The following HGS variants were observed in gnomAD, a reference collection of about 807,000 sequenced individuals.
The protein encoded by HGS is human growth factor-regulated tyrosine kinase substrate.
In HGS, 63 loss-of-function variants were observed where a neutral mutation model predicts 109.7. The observed-to-expected ratio is 0.57, with a 90% CI of 0.47 to 0.71. The LOEUF (loss-of-function observed/expected upper bound fraction) is 0.71, where lower values mean the gene tolerates loss of function less well. HGS is among the 30% of genes least tolerant of loss of function. The pLI is 0.00. For synonymous variants in HGS, 546 were observed against 437.3 expected (o/e 1.25, Z -3.10); for missense variants, 995 against 1,068.3 (o/e 0.93, Z 0.96).
At chr17:81,684,274 G>A in intron 1 of HGS, 171 bp downstream of exon 1, 1 of 514,116 alleles carries the variant, frequency 1.9e-6, no homozygotes, top group Non-Finnish European at 3.0e-6. Flanking sequence ...CCCTCGGCGC[G>A]GCCGTGGGGT....
chr17:81,695,135 G>A (rs898246117), intron 13 of HGS, 29 bp from the exon 14 acceptor site: 1 of 1,613,764 alleles, frequency 6.2e-7, no homozygotes, highest in Non-Finnish European at 8.5e-7. Flanking sequence ...GGGACAGGTT[G>A]GAGGCCCCAC....
In HGS at chr17:81,696,424, G is replaced by A. The variant is rs2144501107; in HGVS notation, c.1461G>A (p.Leu487=). The A allele has an allele frequency of 6.4e-7, 1 of 1,572,902 alleles. No individual in the cohort carries two copies. Among genetic ancestry groups the A allele is most frequent in the Non-Finnish European group, 8.6e-7 (1 of 1,162,174 alleles). The change falls in exon 16 of 22, where the codon CTG becomes CTA. Residue 487 remains leucine, a synonymous_variant. Transcript: ENST00000329138. ...ATGCCCGGGGGGCGCTGAGTGCCCT[G>A]CGCGAAGAGCACCGGGAGAAGCTTC... ...IRDARGALSA[L]REEHREKLRR...
intron 1 of HGS, chr17:81,685,152 C>T (rs2036955616): frequency 1.3e-6 from 1 of 747,880 alleles, no homozygotes; most frequent in Non-Finnish European, 1.6e-6. Context: ...CTGGAGTCTA[C>T]ACTGCAGGCC....
At chr17:81,699,779 A>G (rs752376294) in intron 18 of HGS, among the ~76,000 whole-genome samples, 14 of 152,176 alleles carry the variant, frequency 9.2e-5, no homozygotes, top group Non-Finnish European at 1.6e-4. Context: ...AAGTCACAAC[A>G]AAAAGGAAAA....
rs752874903 is a variant in HGS at position 81,684,050 on chromosome 17, TTGGGC to T, written c.-13_-9del. On this transcript the variant is annotated 5_prime_UTR_variant, in exon 1 of 22. Coordinates refer to ENST00000329138, the MANE Select transcript of HGS (RefSeq NM_004712.5). ...CAGGGGAGCGCCCGCGGCGTCGGGT[TTGGGC>T]TGGAGGTCGCCATGGGGCGAGGCAG... is the stretch of plus-strand genomic sequence containing the variant. 41 of 1,592,108 alleles carry T rather than the reference TTGGGC, an allele frequency of 2.6e-5. No individual in the cohort carries two copies. The highest frequency in any genetic ancestry group is 3.5e-5 in the Non-Finnish European group (41 of 1,172,190).
intron 21 of HGS, 162 bp downstream of exon 21, chr17:81,701,293 A>G: frequency 1.2e-6 from 1 of 802,342 alleles, no homozygotes; most frequent in Non-Finnish European, 2.0e-6. Flanking sequence ...ACGAGGACAC[A>G]AGTCTCAGGG....
At chr17:81,695,260 A>G (rs2037127657) in intron 14 of HGS, 37 bp downstream of exon 14, 3 of 1,594,568 alleles carry the variant, frequency 1.9e-6, no homozygotes, top group Non-Finnish European at 2.6e-6. Context: ...AGGGCAAAAC[A>G]TGGCCTCCTG....
At chr17:81,701,196 A>G (rs55837949) in intron 21 of HGS, 65 bp downstream of exon 21, 318,925 of 1,413,290 alleles carry the variant, frequency 0.23, 37,331 homozygotes, top group African/African-American at 0.38. Context: ...CGGTTTAGCA[A>G]TGGGACCCCT....
rs2037240386 is a variant in HGS, at chr17:81,701,689, T to C, written c.*71T>C. Reference sequence around the variant, plus strand: ...TGAAACGCCTCGTCTCTAACTGCCGTCGTCCTGCCTCCCTGTCCTCTACTG... The same window carrying C: ...TGAAACGCCTCGTCTCTAACTGCCGCCGTCCTGCCTCCCTGTCCTCTACTG... On this transcript the variant is annotated 3_prime_UTR_variant, in exon 22 of 22. Coordinates refer to ENST00000329138, the MANE Select transcript of HGS (RefSeq NM_004712.5). 1 of 1,500,886 alleles carries C rather than the reference T, an allele frequency of 6.7e-7. No homozygotes were observed. Among genetic ancestry groups the C allele is most frequent in the Non-Finnish European group, 8.9e-7 (1 of 1,121,196 alleles). 93.0% of individuals were successfully genotyped at this position (1,500,886 alleles called of 1,614,324 possible). A position where few individuals can be genotyped will look rare whatever the true frequency, so the allele number is the denominator to read the frequency against.
chr17:81,695,285 GCACATGGCAC>G, intron 14 of HGS, 62 bp downstream of exon 14: 1 of 1,548,572 alleles, frequency 6.5e-7, no homozygotes, highest in Non-Finnish European at 8.9e-7. Context: ...ACAGCGCCAG[GCACATGGCAC>G]AGGTGCCTGC....
At position 81,701,901 on chromosome 17, in the gene HGS, C is replaced by A; in HGVS notation, c.*283C>A. ...GTGGGTCATGGTCTGTGAGAGGTGG[C>A]AGGAATGGGGACCCTCACCCCCCAA... On this transcript the variant is annotated 3_prime_UTR_variant, in exon 22 of 22. Coordinates refer to ENST00000329138, the MANE Select transcript of HGS (RefSeq NM_004712.5). 3.1e-6 allele frequency: 1 copy of A among 326,250 alleles called. No individual in the cohort carries two copies. The allele number at this position is 326,250 out of a possible 1,614,324, so 20.2% of individuals were successfully genotyped here. A position where few individuals can be genotyped will look rare whatever the true frequency, so the allele number is the denominator to read the frequency against.
At chr17:81,692,200 C>T (rs1421096782) in intron 8 of HGS, 2 of 152,736 alleles carry the variant, frequency 1.3e-5, no homozygotes, top group Non-Finnish European at 2.9e-5. Context: ...CTGCCGTGGT[C>T]CCAGCAGCGT....
At chr17:81,690,277 C>G in intron 6 of HGS, 43 bp downstream of exon 6, 2 of 1,603,334 alleles carry the variant, frequency 1.2e-6, no homozygotes, top group Admixed American at 1.7e-5. Flanking sequence ...TCGGGCTGCT[C>G]AGGAAGCGTG....
At position 81,700,477 on chromosome 17, in the gene HGS, G is replaced by A; in HGVS notation, c.1893G>A (p.Met631Ile). ...TCTTGTTTGTCACAGATCCCAGCAT[G>A]GTGAGTGCCTACATGTACCCAGCAG... is the stretch of plus-strand genomic sequence containing the variant. Reference protein sequence around the residue: ...SMPSTAADPSMVSAYMYPAGA... With the variant: ...SMPSTAADPSIVSAYMYPAGA... The change falls in exon 19 of 22, where the codon ATG becomes ATA. Residue 631 changes from methionine to isoleucine, a missense_variant. By Grantham distance (10) the Met-to-Ile change is conservative. Around this residue, in one of 6 missense-constraint regions of HGS, gnomAD observed 326 missense variants for 309.7 expected, o/e 1.05. Transcript: ENST00000329138. 6.4e-7 allele frequency: 1 copy of A among 1,573,596 alleles called. No individual in the cohort carries two copies. Among genetic ancestry groups the A allele is most frequent in the Non-Finnish European group, 8.6e-7 (1 of 1,158,360 alleles).
chr17:81,697,736 C>G lies in HGS; in HGVS notation c.1882+738C>G, dbSNP rs577248520. The stretch of plus-strand genomic sequence containing the variant: ...TGCCAAATAGCGCCTTCTAATTCTG[C>G]TGTTGTCTTTCCACTGGCGGGAGGT... On this transcript the variant is annotated intron_variant, in intron 18 of 21. Coordinates refer to ENST00000329138, the MANE Select transcript of HGS (RefSeq NM_004712.5). The G allele has an allele frequency of 9.2e-5, 14 of 152,348 alleles. 1 individual carries two copies. The highest frequency in any genetic ancestry group is 9.2e-4 in the Admixed American group (14 of 15,298). 9.4% of individuals were successfully genotyped at this position (152,348 alleles called of 1,614,324 possible).
At chr17:81,689,266 G>T (rs1054106491) in intron 5 of HGS, among the ~76,000 whole-genome samples, 1 of 152,220 alleles carries the variant, frequency 6.6e-6, no homozygotes, top group African/African-American at 2.4e-5. Context: ...GGTGGCCAGC[G>T]TGCCAGAGGA....
chr17:81,690,715 G>A lies in HGS; in HGVS notation c.510G>A (p.Arg170=). ...ACGCTGAGGAATGCCACCGCTGCAG[G>A]GTGCAGTTCGGGGTGATGACCCGTA... ...WVDAEECHRC[R]VQFGVMTRKH... is the part of the protein sequence containing the mutation. The change falls in exon 7 of 22, where the codon AGG becomes AGA. Residue 170 remains arginine, a synonymous_variant. Coordinates refer to ENST00000329138, the MANE Select transcript of HGS (RefSeq NM_004712.5). 1 of 1,613,254 alleles carries A rather than the reference G, an allele frequency of 6.2e-7. No individual in the cohort carries two copies. The highest frequency in any genetic ancestry group is 8.5e-7 in the Non-Finnish European group (1 of 1,179,808).
At chr17:81,693,449 G>A (rs2037094949) in intron 8 of HGS, 54 bp from the exon 9 acceptor site, 10 of 1,360,248 alleles carry the variant, frequency 7.4e-6, no homozygotes, top group South Asian at 7.2e-5. Flanking sequence ...GAGCTTTGGC[G>A]GGGGCAGGGC....
Position 81,684,044 on chromosome 17 carries a change from T to G in HGS, c.-23T>G. Reference sequence around the variant, plus strand: ...TCGTAGCAGGGGAGCGCCCGCGGCGTCGGGTTTGGGCTGGAGGTCGCCATG... The same window carrying G: ...TCGTAGCAGGGGAGCGCCCGCGGCGGCGGGTTTGGGCTGGAGGTCGCCATG... On this transcript the variant is annotated 5_prime_UTR_variant, in exon 1 of 22. Coordinates refer to ENST00000329138, the MANE Select transcript of HGS (RefSeq NM_004712.5). 6.3e-7 allele frequency: 1 copy of G among 1,587,576 alleles called. No homozygotes were observed. The highest frequency in any genetic ancestry group is 8.5e-7 in the Non-Finnish European group (1 of 1,170,012).
Sources: allele counts gnomAD v4.1 joint callset (sites outside exome capture counted in the v4.1 genomes callset), GRCh38; gene constraint gnomAD v4.1.1; regional missense constraint gnomAD v4.1.1; transcripts MANE v1.5; gene names NCBI Gene and HGNC (gene_info 2026-07-23, HGNC 2026-07-21).